Variants in AOPEP observed in about 807,000 individuals in gnomAD.
AOPEP encodes aminopeptidase O (putative).
Under a neutral mutation model 98.1 loss-of-function variants are expected in AOPEP, and 77 were observed. The observed-to-expected ratio is 0.78, with a 90% confidence interval of 0.65 to 0.95. The LOEUF (loss-of-function observed/expected upper bound fraction) is 0.95, where lower values mean the gene tolerates loss of function less well. Among genes scored for constraint, AOPEP ranks in the 40% least tolerant of loss-of-function variants. The pLI is 0.00. For missense variants in AOPEP, 1,024 were observed against 1,024.7 expected (o/e 1.00, Z 0.01); for synonymous variants, 346 against 365.3 (o/e 0.95, Z 0.60).
chr9:95,125,251 C>T, the AOPEP span: 2 of 1,298,674 alleles, frequency 1.5e-6, no homozygotes, highest in South Asian at 2.4e-5. Context: ...AAAACCTGCA[C>T]TGTATAAGGG....
intron 13 of AOPEP, among the ~76,000 whole-genome samples, chr9:95,027,327 A>G (rs1347197879): frequency 6.6e-6 from 1 of 152,210 alleles, no homozygotes. Context: ...TTTGATGCCT[A>G]TCCTCCCTAC....
chr9:94,808,974 A>G (rs1677681735), intron 5 of AOPEP, among the ~76,000 whole-genome samples: 1 of 152,214 alleles, frequency 6.6e-6, no homozygotes, highest in African/African-American at 2.4e-5. Flanking sequence ...TTTTTCATAG[A>G]TGTGCAATCT....
intron 1 of AOPEP, among the ~76,000 whole-genome samples, chr9:94,750,656 G>A (rs775593953): frequency 2.0e-5 from 3 of 151,848 alleles, no homozygotes; most frequent in Non-Finnish European, 2.9e-5. Flanking sequence ...TATGCTTAGC[G>A]TTCCATTACT....
At chr9:94,944,459 T>A (rs777044878) in intron 7 of AOPEP, among the ~76,000 whole-genome samples, 6 of 152,348 alleles carry the variant, frequency 3.9e-5, no homozygotes, top group South Asian at 2.1e-4. Context: ...GAAAACATTA[T>A]GCTCAGCGGA....
intron 5 of AOPEP, among the ~76,000 whole-genome samples, chr9:94,848,673 T>C (rs1291464043): frequency 6.6e-6 from 1 of 151,792 alleles, no homozygotes; most frequent in Admixed American, 6.6e-5. Flanking sequence ...AAAAAAAACA[T>C]GGAGCTTGAC....
intron 10 of AOPEP, among the ~76,000 whole-genome samples, chr9:94,977,154 G>A (rs987045881): frequency 2.0e-5 from 3 of 152,226 alleles, no homozygotes; most frequent in African/African-American, 7.2e-5. Flanking sequence ...AATGTGTGAA[G>A]ATGGAGGTAA....
At chr9:95,135,266 C>T in the AOPEP span, 4 of 1,343,324 alleles carry the variant, frequency 3.0e-6, no homozygotes, top group South Asian at 1.2e-5. Context: ...TACATCCCCC[C>T]CTTTCATTCT....
chr9:94,808,560 G>T (rs1182098720), intron 5 of AOPEP, among the ~76,000 whole-genome samples: 1 of 152,210 alleles, frequency 6.6e-6, no homozygotes, highest in Non-Finnish European at 1.5e-5. Context: ...ATTTATAGAG[G>T]TGACTCCTCG....
rs1405980692 is a variant in AOPEP, at chr9:94,875,356, A to AAAG, written c.1365-48628_1365-48627insGAA. On this transcript the variant is annotated intron_variant, in intron 5 of 16. Coordinates refer to ENST00000375315, the MANE Select transcript of AOPEP (RefSeq NM_001193329.3). ...GAGTTTAATTGAGCAAGAAAAAAAA[A>AAAG]AAAAAAAAAAAAAAAAGACTCATGA... Among the ~76,000 whole-genome samples the AAAG allele has an allele frequency of 2.4e-3, 353 of 149,236 alleles. 1 individual carries two copies. Among genetic ancestry groups the AAAG allele is most frequent in the African/African-American group, 8.3e-3 (338 of 40,574 alleles).
intron 14 of AOPEP, among the ~76,000 whole-genome samples, chr9:95,077,639 C>T (rs535911601): frequency 1.3e-5 from 2 of 152,298 alleles, no homozygotes; most frequent in East Asian, 1.9e-4. Flanking sequence ...CTCTCTGGCC[C>T]GTAGGGCTTC....
At chr9:95,086,172 C>G in intron 16 of AOPEP, 1 of 1,325,628 alleles carries the variant, frequency 7.5e-7, no homozygotes, top group Non-Finnish European at 1.0e-6. Flanking sequence ...GCAGACAGGC[C>G]CGCGTCCACC....
downstream of AOPEP, among the ~76,000 whole-genome samples, chr9:95,090,542 G>C (rs1004119343): frequency 3.3e-5 from 5 of 151,698 alleles, no homozygotes; most frequent in African/African-American, 7.3e-5. Flanking sequence ...AGCCCAGAGG[G>C]CCCCCCCTTC....
At chr9:95,068,841 T>A (rs2068183558) in intron 14 of AOPEP, among the ~76,000 whole-genome samples, 1 of 152,124 alleles carries the variant, frequency 6.6e-6, no homozygotes, top group Admixed American at 6.5e-5. Flanking sequence ...GAGGGAAGGC[T>A]GAGTTTCTTT....
chr9:95,007,457 C>G (rs1258639631), intron 13 of AOPEP, among the ~76,000 whole-genome samples: 4 of 152,118 alleles, frequency 2.6e-5, no homozygotes, highest in African/African-American at 9.7e-5. Context: ...CCTCTTGATA[C>G]AAGCTCTTGC....
intron 5 of AOPEP, among the ~76,000 whole-genome samples, chr9:94,863,007 A>C (rs985549191): frequency 7.2e-5 from 11 of 152,156 alleles, no homozygotes; most frequent in Admixed American, 5.9e-4. Flanking sequence ...TTGTTTTCCA[A>C]ATTATTTTCA....
At chr9:95,008,460 A>G (rs949936235) in intron 13 of AOPEP, among the ~76,000 whole-genome samples, 8 of 152,226 alleles carry the variant, frequency 5.3e-5, no homozygotes, top group Non-Finnish European at 1.0e-4. Flanking sequence ...GTAGAACGGC[A>G]TCTTCCAGGG....
At chr9:94,845,873 T>G (rs2042800081) in intron 5 of AOPEP, among the ~76,000 whole-genome samples, 1 of 151,972 alleles carries the variant, frequency 6.6e-6, no homozygotes, top group South Asian at 2.1e-4. Flanking sequence ...TGGGGGTGGA[T>G]CACCTGAGGT....
chr9:94,802,353 T>C (rs1848383442), intron 5 of AOPEP, among the ~76,000 whole-genome samples: 1 of 152,210 alleles, frequency 6.6e-6, no homozygotes, highest in Non-Finnish European at 1.5e-5. Context: ...GCATGTTTGC[T>C]AGCAGTTCCA....
chr9:95,012,511 A>G (rs540392685), intron 13 of AOPEP, among the ~76,000 whole-genome samples: 5 of 152,326 alleles, frequency 3.3e-5, no homozygotes, highest in Non-Finnish European at 7.3e-5. Flanking sequence ...TTTACTTGGC[A>G]GTCATTCTCA....
Sources: allele counts gnomAD v4.1 joint callset (sites outside exome capture counted in the v4.1 genomes callset), GRCh38; gene constraint gnomAD v4.1.1; transcripts MANE v1.5; gene names NCBI Gene and HGNC (gene_info 2026-07-23, HGNC 2026-07-21).